The following SORCS1 variants were observed in gnomAD, a reference collection of about 807,000 sequenced individuals.
SORCS1 encodes the protein sortilin related VPS10 domain containing receptor 1, also known as VPS10 domain-containing receptor SorCS1.
A neutral mutation model predicts 146.1 loss-of-function variants in SORCS1; 60 were observed. That is an observed-to-expected ratio of 0.41 (90% CI 0.33 to 0.51). The LOEUF is 0.51. SORCS1 is among the 20% of genes least tolerant of loss of function. The probability of loss-of-function intolerance (pLI) is 0.21; values close to 1 mark genes in which losing one functional copy is unlikely to be tolerated. For missense variants in SORCS1, 1,352 were observed against 1,487.6 expected, an observed-to-expected ratio of 0.91 and a Z score of 1.50; for synonymous variants, 637 against 584.0, an observed-to-expected ratio of 1.09 and a Z score of -1.31.
At chr10:106,678,063 T>C (rs1321532194) in intron 12 of SORCS1, among the ~76,000 whole-genome samples, 2 of 152,212 alleles carry the variant, frequency 1.3e-5, no homozygotes, top group Admixed American at 6.5e-5. Flanking sequence ...GGAGACACAA[T>C]GGAAACAATC....
intron 1 of SORCS1, among the ~76,000 whole-genome samples, chr10:106,975,646 A>G (rs1276093990): frequency 6.6e-6 from 1 of 152,244 alleles, no homozygotes; most frequent in African/African-American, 2.4e-5. Flanking sequence ...AGAAACACTG[A>G]AGGTTCCCTT....
At chr10:107,156,303 C>T (rs1969278192) in intron 1 of SORCS1, among the ~76,000 whole-genome samples, 1 of 152,190 alleles carries the variant, frequency 6.6e-6, no homozygotes, top group Non-Finnish European at 1.5e-5. Flanking sequence ...CAAATCCCAG[C>T]TCTGCCACCT....
chr10:106,963,256 C>T (rs1384526811), intron 1 of SORCS1, among the ~76,000 whole-genome samples: 1 of 151,590 alleles, frequency 6.6e-6, no homozygotes, highest in Non-Finnish European at 1.5e-5. Flanking sequence ...GCTGGGACTA[C>T]AGGCGCCCAC....
chr10:106,793,127 T>C (rs533362414), intron 3 of SORCS1, among the ~76,000 whole-genome samples: 1 of 152,308 alleles, frequency 6.6e-6, no homozygotes, highest in South Asian at 2.1e-4. Flanking sequence ...GAAACTACCA[T>C]TGCAGAGCTA....
intron 5 of SORCS1, among the ~76,000 whole-genome samples, chr10:106,731,292 CAAAA>C (rs57238882): frequency 0.031 from 740 of 23,766 alleles, 16 homozygotes; most frequent in African/African-American, 0.1. Context: ...GACTCCGTCT[CAAAA>C]AAAAAAAAAA....
intron 19 of SORCS1, among the ~76,000 whole-genome samples, chr10:106,625,921 G>A (rs1223711649): frequency 2.0e-5 from 3 of 152,096 alleles, no homozygotes; most frequent in Non-Finnish European, 4.4e-5. Context: ...GCTGCAGCAC[G>A]TGTCTCATTA....
intron 3 of SORCS1, among the ~76,000 whole-genome samples, chr10:106,783,636 G>A (rs182769221): frequency 1.2e-3 from 179 of 149,140 alleles, no homozygotes; most frequent in African/African-American, 3.6e-3. Flanking sequence ...AGTGTAAGAC[G>A]ACACTATATT....
chr10:106,761,445 T>C (rs1477434122), intron 5 of SORCS1, 143 bp downstream of exon 5: 1 of 656,158 alleles, frequency 1.5e-6, no homozygotes, highest in South Asian at 2.0e-5. Flanking sequence ...TGTCACATCC[T>C]GCCCTGAGGG....
chr10:106,768,201 T>G (rs1409807889), intron 4 of SORCS1, among the ~76,000 whole-genome samples: 1 of 152,230 alleles, frequency 6.6e-6, no homozygotes, highest in East Asian at 1.9e-4. Context: ...GCCAGTTTTG[T>G]ACTTGGATAC....
chr10:106,878,299 A>T (rs1299292454), intron 2 of SORCS1, among the ~76,000 whole-genome samples: 1 of 151,664 alleles, frequency 6.6e-6, no homozygotes, highest in East Asian at 1.9e-4. Context: ...CGGGATATAC[A>T]TACTGCAGGG....
intron 1 of SORCS1, among the ~76,000 whole-genome samples, chr10:107,057,723 G>T (rs967690063): frequency 3.9e-5 from 6 of 152,148 alleles, no homozygotes; most frequent in Non-Finnish European, 7.4e-5. Flanking sequence ...GATGGAAAAA[G>T]AACACATATA....
At chr10:106,622,087 C>T (rs147680981) in intron 19 of SORCS1, among the ~76,000 whole-genome samples, 1,521 of 152,016 alleles carry the variant, frequency 0.01, 8 homozygotes, top group South Asian at 0.016. Context: ...GTCAAGAGAT[C>T]GAAACCATCC....
In SORCS1 at chr10:107,033,219, C is replaced by A. The variant is rs890095394; in HGVS notation, c.559-76639G>T. ...GAAGTGCCACACACTTTTAAATCAG[C>A]AGATCTCGTGAGAACTCACTCACCA... On this transcript the variant is annotated intron_variant, in intron 1 of 25. Transcript: ENST00000263054. Among the ~76,000 whole-genome samples the A allele has an allele frequency of 2.0e-5, 3 of 152,138 alleles. No individual in the cohort carries two copies. The South Asian group carries it at 6.2e-4, about 32-fold the overall frequency.
chr10:107,141,694 C>T (rs1343410399), intron 1 of SORCS1, among the ~76,000 whole-genome samples: 1 of 152,146 alleles, frequency 6.6e-6, no homozygotes. Context: ...ATTTTAAAGG[C>T]TGCCTGTAAC....
At chr10:107,047,375 C>T (rs550537625) in intron 1 of SORCS1, among the ~76,000 whole-genome samples, 3 of 152,226 alleles carry the variant, frequency 2.0e-5, no homozygotes, top group East Asian at 1.9e-4. Flanking sequence ...GTCGATAAGC[C>T]CACATGACAT....
intron 22 of SORCS1, among the ~76,000 whole-genome samples, chr10:106,611,583 T>C (rs1846991094): frequency 6.6e-6 from 1 of 152,206 alleles, no homozygotes; most frequent in South Asian, 2.1e-4. Context: ...TAATTCCTAA[T>C]GGCCTAATTG....
intron 2 of SORCS1, among the ~76,000 whole-genome samples, chr10:106,908,071 G>A (rs1056699061): frequency 6.6e-6 from 1 of 152,006 alleles, no homozygotes; most frequent in African/African-American, 2.4e-5. Context: ...ATTTTTCTGG[G>A]TAGAGATCTC....
At position 106,792,298 on chromosome 10, in the gene SORCS1, T is replaced by C. The variant is rs962289626; in HGVS notation, c.727-15606A>G. Among the ~76,000 whole-genome samples the C allele has an allele frequency of 3.9e-5, 6 of 152,390 alleles. No homozygotes were observed. In the East Asian group the frequency reaches 1.2e-3, roughly 29 times the overall value. ...AAAACATTATTTCTCCTTTTTGTAC[T>C]ATGTCATCAATTCCCAGTCAAACCT... is the stretch of plus-strand genomic sequence containing the variant. On this transcript the variant is annotated intron_variant, in intron 3 of 25. Coordinates refer to ENST00000263054, the MANE Select transcript of SORCS1 (RefSeq NM_052918.5).
intron 2 of SORCS1, among the ~76,000 whole-genome samples, chr10:106,950,611 A>G (rs1210556648): frequency 6.6e-6 from 1 of 152,036 alleles, no homozygotes; most frequent in Non-Finnish European, 1.5e-5. Flanking sequence ...CTGTGTGTGT[A>G]TATATATACA....
Sources: gnomAD v4.1 joint callset for allele counts (sites outside exome capture counted in the v4.1 genomes callset) on GRCh38, gnomAD v4.1.1 for gene constraint, MANE v1.5 for transcripts, NCBI Gene and HGNC (gene_info 2026-07-23, HGNC 2026-07-21) for gene names.